The following METTL25 variants were observed in gnomAD, a reference collection of about 807,000 sequenced individuals.
The protein encoded by METTL25 is probable methyltransferase-like protein 25.
METTL25 carries 64 observed loss-of-function variants against 71.6 expected under a neutral mutation model. The observed-to-expected ratio is 0.89, with a 90% CI of 0.73 to 1.10. METTL25 has a LOEUF of 1.10. METTL25 is among the 50% of genes least tolerant of loss of function. The pLI is 0.00. For synonymous variants in METTL25, 287 were observed against 250.3 expected (o/e 1.15, Z -1.38); for missense variants, 807 against 707.0 (o/e 1.14, Z -1.60).
chr12:82,422,423 A>C (rs571365844), intron 5 of METTL25, among the ~76,000 whole-genome samples: 29 of 152,254 alleles, frequency 1.9e-4, no homozygotes, highest in Middle Eastern at 3.4e-3. Context: ...TGTATGACAA[A>C]CCCACAGCCA....
At chr12:82,396,128 T>C (rs1886061992) in intron 3 of METTL25, among the ~76,000 whole-genome samples, 1 of 152,078 alleles carries the variant, frequency 6.6e-6, no homozygotes, top group Admixed American at 6.6e-5. Context: ...TACAGGTTTT[T>C]AGCATAGTTG....
chr12:82,457,683 G>T (rs2137258879), intron 9 of METTL25, among the ~76,000 whole-genome samples: 1 of 152,062 alleles, frequency 6.6e-6, no homozygotes, highest in Admixed American at 6.6e-5. Context: ...TTAACGCAGT[G>T]TATATAGTAA....
At chr12:82,381,086 C>G (rs1348080555) in intron 1 of METTL25, among the ~76,000 whole-genome samples, 1 of 152,190 alleles carries the variant, frequency 6.6e-6, no homozygotes, top group Non-Finnish European at 1.5e-5. Flanking sequence ...TAGTAAAACA[C>G]TAAGTCTCAT....
At chr12:82,463,022 C>T (rs1217551068) in intron 9 of METTL25, among the ~76,000 whole-genome samples, 1 of 151,598 alleles carries the variant, frequency 6.6e-6, no homozygotes, top group African/African-American at 2.4e-5. Context: ...GTGATTAGAC[C>T]AGGGTTATTA....
intron 5 of METTL25, among the ~76,000 whole-genome samples, chr12:82,405,890 A>G (rs1887047921): frequency 6.6e-6 from 1 of 152,166 alleles, no homozygotes; most frequent in Non-Finnish European, 1.5e-5. Flanking sequence ...TGTCAAAAAC[A>G]AGTAACTAGG....
intron 1 of METTL25, among the ~76,000 whole-genome samples, chr12:82,381,310 T>C (rs1224354656): frequency 2.0e-5 from 3 of 152,214 alleles, no homozygotes; most frequent in African/African-American, 7.2e-5. Context: ...ACATTTAATT[T>C]CATTTTTATA....
chr12:82,456,590 G>A, intron 8 of METTL25, 137 bp from the exon 9 acceptor site: 2 of 508,180 alleles, frequency 3.9e-6, no homozygotes, highest in Non-Finnish European at 7.0e-6. Flanking sequence ...GTCCTCAAAA[G>A]TATTACTGTA....
At chr12:82,469,225 A>G (rs1162549550) in intron 9 of METTL25, among the ~76,000 whole-genome samples, 1 of 152,120 alleles carries the variant, frequency 6.6e-6, no homozygotes, top group Non-Finnish European at 1.5e-5. Flanking sequence ...TTTCTACATC[A>G]TCTGCAAGAT....
At chr12:82,432,313 A>G (rs909249090) in intron 6 of METTL25, among the ~76,000 whole-genome samples, 13 of 151,800 alleles carry the variant, frequency 8.6e-5, no homozygotes, top group African/African-American at 2.9e-4. Context: ...ACTTTTCTGG[A>G]AATTTGTCTT....
intron 8 of METTL25, among the ~76,000 whole-genome samples, chr12:82,449,025 G>A (rs148223450): frequency 6.6e-6 from 1 of 152,108 alleles, no homozygotes; most frequent in South Asian, 2.1e-4. Context: ...TGCTTCCTTG[G>A]AAAGTGTTAC....
At chr12:82,432,921 A>G (rs1012873217) in intron 6 of METTL25, among the ~76,000 whole-genome samples, 1 of 151,426 alleles carries the variant, frequency 6.6e-6, no homozygotes, top group Non-Finnish European at 1.5e-5. Flanking sequence ...GCTTTCAGAT[A>G]AACAGTTAAG....
At chr12:82,386,723 T>G in intron 1 of METTL25, 80 bp from the exon 2 acceptor site, 2 of 1,104,672 alleles carry the variant, frequency 1.8e-6, no homozygotes, top group Non-Finnish European at 2.6e-6. Context: ...ACAAATTAAG[T>G]GTTCATTTGT....
chr12:82,363,731 T>TA (rs34795073), intron 1 of METTL25, among the ~76,000 whole-genome samples: 115,394 of 143,898 alleles, frequency 0.8, 46,566 homozygotes, highest in South Asian at 0.93. Flanking sequence ...ACTAGATGTT[T>TA]AAAAAAAAAA....
intron 1 of METTL25, among the ~76,000 whole-genome samples, chr12:82,384,515 CA>C (rs1214482905): frequency 6.7e-5 from 10 of 149,182 alleles, no homozygotes; most frequent in Non-Finnish European, 8.9e-5. Flanking sequence ...TTCCATAATT[CA>C]AAAATATTTT....
At chr12:82,413,231 TAAC>T (rs944919919) in intron 5 of METTL25, among the ~76,000 whole-genome samples, 2 of 151,956 alleles carry the variant, frequency 1.3e-5, no homozygotes, top group African/African-American at 4.8e-5. Flanking sequence ...GCCAATTTAG[TAAC>T]AACAACATTG....
At chr12:82,469,463 A>AT (rs1892442453) in intron 9 of METTL25, among the ~76,000 whole-genome samples, 1 of 152,052 alleles carries the variant, frequency 6.6e-6, no homozygotes. Context: ...ACAGGTGAGC[A>AT]AAGAGGTGAG....
At chr12:82,426,339 G>A (rs936764758) in intron 5 of METTL25, among the ~76,000 whole-genome samples, 11 of 152,014 alleles carry the variant, frequency 7.2e-5, no homozygotes, top group African/African-American at 2.7e-4. Context: ...CTTCAAGATG[G>A]TTATGTAACC....
At chr12:82,459,354 A>G (rs1336480437) in intron 9 of METTL25, among the ~76,000 whole-genome samples, 1 of 152,212 alleles carries the variant, frequency 6.6e-6, no homozygotes, top group Non-Finnish European at 1.5e-5. Flanking sequence ...GTAGCCAGCC[A>G]TGGTGGCTCA....
rs542144668 is a variant in METTL25 at position 82,466,501 on chromosome 12, G to A, written c.1572+9681G>A. ...TTTTTAAAATTTTTGAGACTTTTTT[G>A]TGTCCTAAGGTATGGTTAATCCTGG... On this transcript the variant is annotated intron_variant, in intron 9 of 11. Coordinates refer to ENST00000248306, the MANE Select transcript of METTL25 (RefSeq NM_032230.3). 1.1e-4 allele frequency among the ~76,000 whole-genome samples: 17 copies of A among 151,898 alleles called. No individual in the cohort carries two copies. In the South Asian group the frequency reaches 2.9e-3, roughly 26 times the overall value.
Sources: gnomAD v4.1 joint callset for allele counts (sites outside exome capture counted in the v4.1 genomes callset) on GRCh38, gnomAD v4.1.1 for gene constraint, MANE v1.5 for transcripts, NCBI Gene and HGNC (gene_info 2026-07-23, HGNC 2026-07-21) for gene names.